SMTN: variants seen among roughly 807,000 people sequenced by gnomAD.
SMTN encodes the protein smoothelin.
SMTN carries 58 observed loss-of-function variants against 102.0 expected under a neutral mutation model. The observed-to-expected ratio is 0.57, with a 90% confidence interval of 0.46 to 0.71. The LOEUF is 0.71. SMTN is among the 30% of genes least tolerant of loss of function. The pLI, the probability that SMTN is intolerant of heterozygous loss-of-function variation, is 0.00. For missense variants in SMTN, 1,185 were observed against 1,241.7 expected (o/e 0.95, Z 0.69); for synonymous variants, 478 against 497.9 (o/e 0.96, Z 0.53).
chr22:31,092,308 T>G (rs557467321), intron 11 of SMTN, among the ~76,000 whole-genome samples: 41 of 152,130 alleles, frequency 2.7e-4, no homozygotes, highest in Admixed American at 7.9e-4. Flanking sequence ...AGATTGGAGA[T>G]TAGTGATTAG....
rs1876855256 is a variant in SMTN, at chr22:31,096,970, ACATCCTTCT to A, written c.2027-22_2027-14del. ...CCTCCCCCAGCCCCCTGTGCCTTTC[ACATCCTTCT>A]CATCCCCTGCCCCTGCAGATGATGG... is the stretch of plus-strand genomic sequence containing the variant. On this transcript the variant is annotated intron_variant, in intron 14 of 20. Coordinates refer to ENST00000333137, the MANE Select transcript of SMTN (RefSeq NM_134269.3). 1 of 1,613,820 alleles carries A rather than the reference ACATCCTTCT, an allele frequency of 6.2e-7. No individual in the cohort carries two copies.
intron 20 of SMTN, chr22:31,102,642 A>T (rs2044183977): frequency 6.6e-6 from 1 of 152,450 alleles, no homozygotes; most frequent in Non-Finnish European, 1.5e-5. Context: ...ATCCAGTTGG[A>T]AAGTGTGACT....
chr22:31,092,363 G>A (rs532836903), intron 11 of SMTN: 7 of 447,772 alleles, frequency 1.6e-5, no homozygotes, highest in South Asian at 1.1e-4. Flanking sequence ...AAGCTCTGAG[G>A]GGGGACAGAC....
chr22:31,090,064 C>T, intron 7 of SMTN, 44 bp from the exon 8 acceptor site: 1 of 1,610,764 alleles, frequency 6.2e-7, no homozygotes, highest in Non-Finnish European at 8.5e-7. Flanking sequence ...GTGAGCAGGT[C>T]TGGGAGTCAG....
Position 31,091,403 on chromosome 22 carries a change from A to C in SMTN, c.1380A>C (p.Thr460=), listed in dbSNP as rs767841764. 1 of 1,580,216 alleles carries C rather than the reference A, an allele frequency of 6.3e-7. No individual in the cohort carries two copies. The highest frequency in any genetic ancestry group is 8.6e-7 in the Non-Finnish European group (1 of 1,168,254). The change falls in exon 10 of 21, where the codon ACA becomes ACC. Residue 460 remains threonine, a synonymous_variant. Coordinates refer to ENST00000333137, the MANE Select transcript of SMTN (RefSeq NM_134269.3). ...TAEPGGSMKT[T]FTIEIKDGRG... ...AGCCAGGGGGCAGTATGAAGACCAC[A>C]TTCACCATCGAGATCAAGGACGGCC... is the stretch of plus-strand genomic sequence containing the variant.
chr22:31,097,266 C>T lies in SMTN; in HGVS notation c.2090-3C>T, dbSNP rs772640813. ...ACCTGGTGCCCCTTCCCCTTTTTTGCAGATGGCAGTGGCAGCACCATGATG... is the reference window on the plus strand; with the variant it reads ...ACCTGGTGCCCCTTCCCCTTTTTTGTAGATGGCAGTGGCAGCACCATGATG... On this transcript the variant is annotated splice_region_variant and splice_polypyrimidine_tract_variant and intron_variant, in intron 15 of 20. Coordinates refer to ENST00000333137, the MANE Select transcript of SMTN (RefSeq NM_134269.3). 1 of 1,614,052 alleles carries T rather than the reference C, an allele frequency of 6.2e-7. No homozygotes were observed. Among genetic ancestry groups the T allele is most frequent in the Admixed American group, 1.7e-5 (1 of 60,026 alleles).
At chr22:31,069,329 G>A (rs62236120) in intron 1 of SMTN, among the ~76,000 whole-genome samples, 5,961 of 152,220 alleles carry the variant, frequency 0.039, 130 homozygotes, top group Non-Finnish European at 0.042. Context: ...GGGGACTAGA[G>A]CGACCGTTCC....
chr22:31,093,762 C>G, intron 11 of SMTN: 2 of 1,582,766 alleles, frequency 1.3e-6, no homozygotes, highest in Non-Finnish European at 1.7e-6. Context: ...TGGCTGCCGC[C>G]GACCCCGAGG....
intron 2 of SMTN, among the ~76,000 whole-genome samples, chr22:31,084,453 ACT>A (rs2042525325): frequency 6.6e-6 from 1 of 151,356 alleles, no homozygotes; most frequent in African/African-American, 2.4e-5. Context: ...AGCGCATTAG[ACT>A]CTCTGGGTGT....
chr22:31,096,835 A>G lies in SMTN; in HGVS notation c.1964A>G (p.Gln655Arg). The G allele has an allele frequency of 6.3e-7, 1 of 1,575,414 alleles. No homozygotes were observed. The highest frequency in any genetic ancestry group is 8.6e-7 in the Non-Finnish European group (1 of 1,157,880). The change falls in exon 14 of 21, where the codon CAG becomes CGG. Residue 655 changes from glutamine to arginine, a missense_variant. By Grantham distance (43) the Gln-to-Arg change is conservative. This residue lies in a region of SMTN where 1,096 missense variants were observed against 1,112.7 expected (regional missense o/e 0.98). Coordinates refer to ENST00000333137, the MANE Select transcript of SMTN (RefSeq NM_134269.3). ...TATETTTRHS[Q>R]RAADGSAVST... ...ACTGAGACCACCACGAGGCACAGCC[A>G]GCGGGCAGCTGATGGCTCTGCTGTC... is the stretch of plus-strand genomic sequence containing the variant.
intron 1 of SMTN, among the ~76,000 whole-genome samples, chr22:31,075,985 G>A (rs1411587367): frequency 1.3e-5 from 2 of 152,070 alleles, no homozygotes; most frequent in Non-Finnish European, 2.9e-5. Flanking sequence ...CTGCCTCCGT[G>A]CCATTTGGCT....
chr22:31,086,136 TC>T (rs1311297618), intron 2 of SMTN, among the ~76,000 whole-genome samples: 4 of 151,848 alleles, frequency 2.6e-5, no homozygotes, highest in Admixed American at 1.3e-4. Context: ...TGAGCCTCAT[TC>T]CCCCCGCCTC....
At chr22:31,085,452 T>C (rs1006527595) in intron 2 of SMTN, among the ~76,000 whole-genome samples, 12 of 152,282 alleles carry the variant, frequency 7.9e-5, no homozygotes, top group African/African-American at 2.4e-4. Context: ...CGTTGTGCTG[T>C]TGGGGAGACT....
chr22:31,089,373 G>A (rs904271238), intron 6 of SMTN, among the ~76,000 whole-genome samples: 1 of 152,186 alleles, frequency 6.6e-6, no homozygotes, highest in African/African-American at 2.4e-5. Context: ...ACCAGGCTGA[G>A]GCCAGGAGTC....
upstream of SMTN, among the ~76,000 whole-genome samples, chr22:31,079,584 G>A (rs982336052): frequency 1.3e-5 from 2 of 152,234 alleles, no homozygotes; most frequent in Admixed American, 1.3e-4. Flanking sequence ...CAAGGGACGC[G>A]TGAATTTTGA....
chr22:31,100,086 C>T (rs1438707284), intron 19 of SMTN, among the ~76,000 whole-genome samples, 190 bp downstream of exon 19: 1 of 151,988 alleles, frequency 6.6e-6, no homozygotes, highest in Non-Finnish European at 1.5e-5. Flanking sequence ...TGCCAGGTGC[C>T]CGCCGGAACG....
Position 31,091,120 on chromosome 22 carries a change from G to A in SMTN, c.1097G>A (p.Gly366Asp). ...CCCCTGACCCCCGCAAGGCTCCTGG[G>A]CCCCTCCCTCACCAGCACCACCCCT... ...LSPLTPARLL[G>D]PSLTSTTPAS... Residue 366 changes from glycine to aspartate, a missense_variant, in exon 10 of 21, where the codon GGC (glycine) becomes GAC (aspartate). Gly to Asp is a moderately conservative substitution (Grantham distance 94). Coordinates refer to ENST00000333137, the MANE Select transcript of SMTN (RefSeq NM_134269.3). 1 of 1,613,772 alleles carries A rather than the reference G, an allele frequency of 6.2e-7. No individual in the cohort carries two copies. The highest frequency in any genetic ancestry group is 1.1e-5 in the South Asian group (1 of 91,066).
At position 31,091,816 on chromosome 22, in the gene SMTN, C is replaced by A; in HGVS notation, c.1601C>A (p.Pro534His). The A allele has an allele frequency of 6.2e-7, 1 of 1,601,590 alleles. No homozygotes were observed. Among genetic ancestry groups the A allele is most frequent in the East Asian group, 2.3e-5 (1 of 44,116 alleles). Residue 534 changes from proline to histidine, a missense_variant, in exon 11 of 21, where the codon CCC (proline) becomes CAC (histidine). Physicochemically the swap from Pro to His is moderately conservative, Grantham distance 77. Coordinates refer to ENST00000333137, the MANE Select transcript of SMTN (RefSeq NM_134269.3). The part of the protein sequence containing the change: ...VTHVTSFSHA[P>H]PSSRGGCSIK... ...CATGTCACCAGCTTCAGCCATGCCCCCCCCAGTAGCCGAGGAGGCTGCAGC... is the reference window on the plus strand; with the variant it reads ...CATGTCACCAGCTTCAGCCATGCCCACCCCAGTAGCCGAGGAGGCTGCAGC...
At chr22:31,075,672 C>T (rs2042111646) in intron 1 of SMTN, among the ~76,000 whole-genome samples, 1 of 143,688 alleles carries the variant, frequency 7.0e-6, no homozygotes, top group Non-Finnish European at 1.5e-5. Context: ...CAGAGCGAGA[C>T]TCTGTCTTAA....
Sources: allele counts gnomAD v4.1 joint callset (sites outside exome capture counted in the v4.1 genomes callset), GRCh38; gene constraint gnomAD v4.1.1; regional missense constraint gnomAD v4.1.1; transcripts MANE v1.5; gene names NCBI Gene and HGNC (gene_info 2026-07-23, HGNC 2026-07-21).